CCZ1: variants seen among roughly 807,000 people sequenced by gnomAD.
CCZ1 encodes the protein CCZ1 vacuolar protein trafficking and biogenesis associated.
In CCZ1, 19 loss-of-function variants were observed where a neutral mutation model predicts 57.8. That is an observed-to-expected ratio of 0.33 (90% CI 0.23 to 0.48). CCZ1 has a LOEUF of 0.48. Among genes scored for constraint, CCZ1 ranks in the 20% least tolerant of loss-of-function variants. The probability of loss-of-function intolerance (pLI) is 0.99; values close to 1 mark genes in which losing one functional copy is unlikely to be tolerated. For missense variants in CCZ1, 200 were observed against 492.0 expected (o/e 0.41, Z 5.61); for synonymous variants, 81 against 167.0 (o/e 0.49, Z 3.97).
At chr7:5,903,339 C>T (rs1322619094) in intron 6 of CCZ1, among the ~76,000 whole-genome samples, 1 of 142,988 alleles carries the variant, frequency 7.0e-6, no homozygotes, top group African/African-American at 2.6e-5. Flanking sequence ...GGTTGTTTTG[C>T]CCAGGCTGGT....
intron 6 of CCZ1, among the ~76,000 whole-genome samples, chr7:5,903,321 C>G (rs1212547597): frequency 2.1e-5 from 3 of 142,172 alleles, no homozygotes; most frequent in Non-Finnish European, 4.5e-5. Flanking sequence ...GAGACAGGGT[C>G]TTGTCTTGGT....
At chr7:5,909,852 C>T (rs1781927502) in intron 7 of CCZ1, among the ~76,000 whole-genome samples, 183 bp from the exon 8 acceptor site, 1 of 151,276 alleles carries the variant, frequency 6.6e-6, no homozygotes, top group African/African-American at 2.5e-5. Flanking sequence ...TCATTTTGAT[C>T]TCAGGTACAA....
chr7:5,907,988 A>G lies in CCZ1; in HGVS notation c.699-2047A>G, dbSNP rs1583184929. On this transcript the variant is annotated intron_variant, in intron 7 of 14. Coordinates refer to ENST00000325974, the MANE Select transcript of CCZ1 (RefSeq NM_015622.6). ...ATTGTGGTGTGCACTTAGAGTCCCAACTACAGAGACTACAGAGGTTGAGGC... is the reference window on the plus strand; with the variant it reads ...ATTGTGGTGTGCACTTAGAGTCCCAGCTACAGAGACTACAGAGGTTGAGGC... Among the ~76,000 whole-genome samples the G allele has an allele frequency of 3.5e-5, 5 of 143,048 alleles. No individual in the cohort carries two copies. The South Asian group carries it at 9.6e-4, about 28-fold the overall frequency. 93.8% of individuals were successfully genotyped at this position (143,048 alleles called of 152,430 possible).
chr7:5,912,042 C>A (rs2128613011), intron 9 of CCZ1, 120 bp downstream of exon 9: 1 of 1,579,172 alleles, frequency 6.3e-7, no homozygotes, highest in African/African-American at 1.4e-5. Context: ...CAACCTCCGC[C>A]TCCCCGGGCT....
chr7:5,915,395 C>T (rs1181283874), intron 10 of CCZ1, among the ~76,000 whole-genome samples: 1 of 138,568 alleles, frequency 7.2e-6, no homozygotes, highest in African/African-American at 2.5e-5. Context: ...TTGAATGACC[C>T]AGGTAATGGC....
At chr7:5,905,781 CAAAAAAAAAAAAA>C (rs796636886) in intron 7 of CCZ1, among the ~76,000 whole-genome samples, 2 of 44,372 alleles carry the variant, frequency 4.5e-5, no homozygotes, top group African/African-American at 1.4e-4. Flanking sequence ...ACTCTGTCTC[CAAAAAAAAAAAAA>C]AAAAAAAAAA....
chr7:5,904,331 C>A (rs1351485011), intron 6 of CCZ1, among the ~76,000 whole-genome samples: 1 of 143,254 alleles, frequency 7.0e-6, no homozygotes, highest in East Asian at 2.4e-4. Flanking sequence ...AGTGATGTGC[C>A]CGCCTTGGCC....
chr7:5,912,714 T>C (rs117314112), intron 9 of CCZ1, 129 bp from the exon 10 acceptor site: 65,312 of 1,069,320 alleles, frequency 0.061, 3,803 homozygotes, highest in East Asian at 0.28. Flanking sequence ...TATTCTGATA[T>C]GGTGTTTGCC....
At chr7:5,908,483 A>T (rs1454973021) in intron 7 of CCZ1, among the ~76,000 whole-genome samples, 2 of 147,882 alleles carry the variant, frequency 1.4e-5, no homozygotes, top group African/African-American at 2.5e-5. Flanking sequence ...GGTTCAAGCG[A>T]TTCTCATGCC....
At chr7:5,920,948 TG>T (rs1779229777) in intron 12 of CCZ1, among the ~76,000 whole-genome samples, 2 of 98,370 alleles carry the variant, frequency 2.0e-5, no homozygotes, top group African/African-American at 9.9e-5. Context: ...CGTTGTTTTT[TG>T]GGTTTTTTTT....
chr7:5,906,095 T>G (rs927678539), intron 7 of CCZ1, among the ~76,000 whole-genome samples: 1 of 146,334 alleles, frequency 6.8e-6, no homozygotes, highest in African/African-American at 2.5e-5. Flanking sequence ...TCCAAAGTGT[T>G]ATATAAACCA....
At position 5,906,044 on chromosome 7, in the gene CCZ1, C is replaced by G. The variant is rs1368616605; in HGVS notation, c.698+775C>G. 4.2e-4 allele frequency among the ~76,000 whole-genome samples: 61 copies of G among 146,260 alleles called. 4 individuals are homozygous for G. Among genetic ancestry groups the G allele is most frequent in the African/African-American group, 1.2e-3 (48 of 39,530 alleles). On this transcript the variant is annotated intron_variant, in intron 7 of 14. Transcript: ENST00000325974. ...AGGCACGAGCCACTGCACCTACTTT[C>G]TTTTAAAGAAACTAGATTTCTTTTT...
chr7:5,901,504 C>A lies in CCZ1; in HGVS notation c.391-153C>A, dbSNP rs964981324. The A allele has an allele frequency of 3.3e-4, 395 of 1,194,106 alleles. 16 individuals are homozygous for A. In the African/African-American group the frequency reaches 5.5e-3, roughly 17 times the overall value. 74.0% of individuals were successfully genotyped at this position (1,194,106 alleles called of 1,614,324 possible). Reference sequence around the variant, plus strand: ...CATCTCAAAAAAAAAAAAAAAAGAACGCAAACACTTTTTTTTCAGCACGCA... The same window carrying A: ...CATCTCAAAAAAAAAAAAAAAAGAAAGCAAACACTTTTTTTTCAGCACGCA... On this transcript the variant is annotated intron_variant, in intron 4 of 14. Coordinates refer to ENST00000325974, the MANE Select transcript of CCZ1 (RefSeq NM_015622.6).
chr7:5,910,527 T>C lies in CCZ1; in HGVS notation c.780+411T>C, dbSNP rs1365993045. Among the ~76,000 whole-genome samples the C allele has an allele frequency of 2.7e-5, 4 of 146,144 alleles. 1 individual carries two copies. The highest frequency in any genetic ancestry group is 1.0e-4 in the African/African-American group (4 of 39,772). On this transcript the variant is annotated intron_variant, in intron 8 of 14. Coordinates refer to ENST00000325974, the MANE Select transcript of CCZ1 (RefSeq NM_015622.6). ...TATTTTTAGTAGAGACAGGTTTCAC[T>C]ATGTTGGCCAGGCTGGTCTCGAACT...
rs756472532 is a variant in CCZ1 at position 5,904,444 on chromosome 7, C to T, written c.523-650C>T. ...CAGTGGCTCATGCCTGTATTCCCAGCGCTTTGGGACGCCTAGACACGAGAA... is the reference window on the plus strand; with the variant it reads ...CAGTGGCTCATGCCTGTATTCCCAGTGCTTTGGGACGCCTAGACACGAGAA... On this transcript the variant is annotated intron_variant, in intron 6 of 14. Coordinates refer to ENST00000325974, the MANE Select transcript of CCZ1 (RefSeq NM_015622.6). 2.2e-4 allele frequency among the ~76,000 whole-genome samples: 32 copies of T among 145,594 alleles called. 1 individual carries two copies. The highest frequency in any genetic ancestry group is 3.0e-4 in the Non-Finnish European group (20 of 67,366).
chr7:5,915,623 C>G (rs1173928132), intron 10 of CCZ1, among the ~76,000 whole-genome samples: 1 of 151,020 alleles, frequency 6.6e-6, no homozygotes, highest in African/African-American at 2.4e-5. Flanking sequence ...TTGCAAAGTT[C>G]ATGAGTCTCC....
intron 8 of CCZ1, among the ~76,000 whole-genome samples, chr7:5,910,821 C>G (rs558463529): frequency 6.8e-6 from 1 of 147,146 alleles, no homozygotes; most frequent in African/African-American, 2.5e-5. Flanking sequence ...CTGCAACTTC[C>G]GCTTCCTGGA....
chr7:5,911,401 CA>C (rs1781976293), intron 8 of CCZ1, among the ~76,000 whole-genome samples: 1 of 148,892 alleles, frequency 6.7e-6, no homozygotes, highest in Non-Finnish European at 1.5e-5. Context: ...CTCCTGGGCT[CA>C]AGCGGTCGTG....
rs2528310 is a variant in CCZ1 at position 5,899,963 on chromosome 7, A to C, written c.121-321A>C. On this transcript the variant is annotated intron_variant, in intron 1 of 14. Transcript: ENST00000325974. ...CCTGGTGCTACTTCAGATGTGACTT[A>C]CTGACTATCGAAATTGCCTTTCTGA... Among the ~76,000 whole-genome samples, 1,074 of 132,628 alleles carry C rather than the reference A, an allele frequency of 8.1e-3. 2 individuals are homozygous for C. The highest frequency in any genetic ancestry group is 0.045 in the East Asian group (135 of 2,986). 87.0% of individuals were successfully genotyped at this position (132,628 alleles called of 152,430 possible).
Sources: gnomAD v4.1 joint callset for allele counts (sites outside exome capture counted in the v4.1 genomes callset) on GRCh38, gnomAD v4.1.1 for gene constraint, MANE v1.5 for transcripts, NCBI Gene and HGNC (gene_info 2026-07-23, HGNC 2026-07-21) for gene names.